The following CEP295 variants were observed in gnomAD, a reference collection of about 807,000 sequenced individuals.
CEP295 encodes the protein centrosomal protein of 295 kDa.
A neutral mutation model predicts 291.6 loss-of-function variants in CEP295; 190 were observed. That is an observed-to-expected ratio of 0.65 (90% CI 0.58 to 0.73). The LOEUF (loss-of-function observed/expected upper bound fraction) is 0.73, where lower values mean the gene tolerates loss of function less well. Among genes scored for constraint, CEP295 ranks in the 30% least tolerant of loss-of-function variants. The pLI, the probability that CEP295 is intolerant of heterozygous loss-of-function variation, is 0.00. For synonymous variants in CEP295, 993 were observed against 1,038.8 expected (o/e 0.96, Z 0.85); for missense variants, 2,863 against 2,949.4 (o/e 0.97, Z 0.68).
intron 10 of CEP295, 116 bp from the exon 11 acceptor site, chr11:93,691,567 A>T: frequency 1.5e-6 from 1 of 652,580 alleles, no homozygotes; most frequent in Non-Finnish European, 2.7e-6. Flanking sequence ...GATCTTAACT[A>T]GATGAGACAT....
chr11:93,728,880 C>CT, intron 25 of CEP295, 59 bp downstream of exon 25: 1 of 1,424,672 alleles, frequency 7.0e-7, no homozygotes, highest in South Asian at 1.4e-5. Flanking sequence ...TGATTTGTCT[C>CT]TTACAACTTA....
At position 93,706,835 on chromosome 11, in the gene CEP295, C is replaced by T. The variant is rs149280308; in HGVS notation, c.5687C>T (p.Pro1896Leu). The T allele has an allele frequency of 1.0e-3, 1,550 of 1,549,650 alleles. 15 individuals are homozygous for T. In the East Asian group the frequency reaches 0.015, roughly 15 times the overall value. Residue 1896 changes from proline (P) to leucine (L), a missense_variant, in exon 18 of 30, where the codon CCG (proline) becomes CTG (leucine). Coordinates refer to ENST00000325212, the MANE Select transcript of CEP295 (RefSeq NM_033395.2). Reference protein sequence around the residue: ...SFFGSPLAHDPFSCLQLVGQE... With the variant: ...SFFGSPLAHDLFSCLQLVGQE... ...TTTGGGAGCCCACTGGCCCATGATCCGTTTAGTTGTCTTCAACTGGTTGGC... is the reference window on the plus strand; with the variant it reads ...TTTGGGAGCCCACTGGCCCATGATCTGTTTAGTTGTCTTCAACTGGTTGGC...
intron 18 of CEP295, among the ~76,000 whole-genome samples, chr11:93,709,477 G>A (rs553439081): frequency 5.9e-5 from 9 of 152,152 alleles, no homozygotes; most frequent in African/African-American, 9.6e-5. Flanking sequence ...TTGTTCCTGT[G>A]TTCTCTATTC....
At chr11:93,678,414 ACTCTT>A (rs1950804979) in intron 6 of CEP295, among the ~76,000 whole-genome samples, 1 of 152,106 alleles carries the variant, frequency 6.6e-6, no homozygotes, top group African/African-American at 2.4e-5. Context: ...TGGCCAGTGT[ACTCTT>A]TGTTAATTTA....
chr11:93,705,766 A>C (rs1301950512), intron 17 of CEP295, among the ~76,000 whole-genome samples: 1 of 152,130 alleles, frequency 6.6e-6, no homozygotes, highest in Non-Finnish European at 1.5e-5. Context: ...CTAAAAGGCC[A>C]ATTGGAGGTT....
At chr11:93,685,569 G>T (rs1321501590) in intron 9 of CEP295, among the ~76,000 whole-genome samples, 3 of 152,218 alleles carry the variant, frequency 2.0e-5, no homozygotes, top group Non-Finnish European at 2.9e-5. Context: ...TAAGGTTACT[G>T]TGTTTTGACT....
rs769607748 is a variant in CEP295 at position 93,698,752 on chromosome 11, T to C, written c.3840T>C (p.Asn1280=). The part of the protein sequence containing the change: ...AFHFSQKTQE[N]TSSEQTGSSS... Reference sequence around the variant, plus strand: ...ATTTCAGCCAGAAAACCCAAGAAAATACATCTTCTGAACAAACTGGTTCAT... The same window carrying C: ...ATTTCAGCCAGAAAACCCAAGAAAACACATCTTCTGAACAAACTGGTTCAT... The change falls in exon 15 of 30, where the codon AAT becomes AAC. Residue 1280 remains asparagine, a synonymous_variant. Coordinates refer to ENST00000325212, the MANE Select transcript of CEP295 (RefSeq NM_033395.2). The C allele has an allele frequency of 1.2e-5, 19 of 1,551,486 alleles. 1 individual carries two copies. The Middle Eastern group carries it at 6.7e-4, about 54-fold the overall frequency.
chr11:93,690,708 C>T (rs1312333868), intron 10 of CEP295, among the ~76,000 whole-genome samples: 4 of 108,616 alleles, frequency 3.7e-5, no homozygotes, highest in East Asian at 5.6e-4. Context: ...CCAGCCTGGG[C>T]GACAAAATGA....
Position 93,723,262 on chromosome 11 carries a change from T to C in CEP295, c.6169T>C (p.Leu2057=), listed in dbSNP as rs1002309874. 1.1e-5 allele frequency: 17 copies of C among 1,526,410 alleles called. No homozygotes were observed. The African/African-American group carries it at 1.7e-4, about 15-fold the overall frequency. The allele number at this position is 1,526,410 out of a possible 1,614,324, so 94.6% of individuals were successfully genotyped here. ...MIDKYINEAN[L]IPEKTDLQEL... ...AGACAAGTACATTAATGAAGCAAATTTGATACCTGAAAAAACAGATTTGCA... is the reference window on the plus strand; with the variant it reads ...AGACAAGTACATTAATGAAGCAAATCTGATACCTGAAAAAACAGATTTGCA... Residue 2057 remains leucine (L), a synonymous_variant, in exon 21 of 30, where the codon TTG becomes CTG. Coordinates refer to ENST00000325212, the MANE Select transcript of CEP295 (RefSeq NM_033395.2).
At chr11:93,689,921 A>C (rs1951433563) in intron 10 of CEP295, among the ~76,000 whole-genome samples, 1 of 152,234 alleles carries the variant, frequency 6.6e-6, no homozygotes, top group African/African-American at 2.4e-5. Context: ...TGGGCATAGA[A>C]AACCACTTGG....
In CEP295 at chr11:93,697,909, A is replaced by G. The variant is rs771084550; in HGVS notation, c.2997A>G (p.Val999=). ...CTGAGCCCTCTTTCCCATTTCAGGT[A>G]GCTCAGCATACATTTACTTCACTAC... The part of the protein sequence containing the change: ...EQAEPSFPFQ[V]AQHTFTSLPS... Residue 999 remains valine, a synonymous_variant, in exon 15 of 30, where the codon GTA becomes GTG. Transcript: ENST00000325212. The G allele has an allele frequency of 2.6e-6, 4 of 1,551,666 alleles. No homozygotes were observed. The East Asian group carries it at 9.8e-5, about 38-fold the overall frequency.
At chr11:93,716,803 G>T (rs1953285221) in intron 18 of CEP295, among the ~76,000 whole-genome samples, 1 of 152,210 alleles carries the variant, frequency 6.6e-6, no homozygotes, top group Non-Finnish European at 1.5e-5. Flanking sequence ...TCTAGATTTT[G>T]CTCTAAAGAG....
chr11:93,724,387 T>A lies in CEP295; in HGVS notation c.6318+12T>A, dbSNP rs1472805981. 1 of 1,545,528 alleles carries A rather than the reference T, an allele frequency of 6.5e-7. No individual in the cohort carries two copies. The highest frequency in any genetic ancestry group is 1.4e-5 in the African/African-American group (1 of 72,862). ...GAGACTTTTACCAGGTATATTAAAGTAGATGTCCCATTGCAGTGAATATCT... is the reference window on the plus strand; with the variant it reads ...GAGACTTTTACCAGGTATATTAAAGAAGATGTCCCATTGCAGTGAATATCT... On this transcript the variant is annotated intron_variant, in intron 22 of 29. Coordinates refer to ENST00000325212, the MANE Select transcript of CEP295 (RefSeq NM_033395.2).
At chr11:93,722,854 G>C (rs372510111) in intron 20 of CEP295, 187 bp from the exon 21 acceptor site, 3 of 477,422 alleles carry the variant, frequency 6.3e-6, no homozygotes, top group African/African-American at 2.0e-5. Flanking sequence ...GGGACTACAG[G>C]TGTGCGCCAC....
At chr11:93,728,985 T>TCA (rs1331871510) in intron 25 of CEP295, 164 bp downstream of exon 25, 11 of 597,402 alleles carry the variant, frequency 1.8e-5, no homozygotes. Context: ...CACTATTCTG[T>TCA]CAACCATTGT....
chr11:93,724,287 A>C lies in CEP295; in HGVS notation c.6230A>C (p.Gln2077Pro). The C allele has an allele frequency of 6.4e-7, 1 of 1,550,788 alleles. No individual in the cohort carries two copies. The highest frequency in any genetic ancestry group is 2.4e-5 in the East Asian group (1 of 40,880). The change falls in exon 22 of 30, where the codon CAG (glutamine) becomes CCG (proline). Residue 2077 changes from glutamine to proline, a missense_variant. Transcript: ENST00000325212. ...LEHIFPNLHH[Q>P]LFKPLEPHPD... ...CACATTTTTCCTAATTTGCATCATC[A>C]GCTGTTTAAACCCTTAGAACCACAT...
At chr11:93,719,920 T>C (rs982825598) in intron 18 of CEP295, among the ~76,000 whole-genome samples, 1 of 152,246 alleles carries the variant, frequency 6.6e-6, no homozygotes, top group Middle Eastern at 3.4e-3. Flanking sequence ...TCACTTGGAA[T>C]AAGAAGGAAA....
intron 1 of CEP295, among the ~76,000 whole-genome samples, chr11:93,663,306 G>C (rs1458156064): frequency 6.6e-6 from 1 of 152,120 alleles, no homozygotes; most frequent in African/African-American, 2.4e-5. Flanking sequence ...CCTCCATTCA[G>C]TGTTAGACTT....
chr11:93,662,394 G>A lies in CEP295; in HGVS notation c.-27+620G>A, dbSNP rs558913233. ...AAACCAAAGTGACTTCAGTGACTTG[G>A]CCAGTATCTTCCTGCTAATAAGTGG... is the stretch of plus-strand genomic sequence containing the variant. On this transcript the variant is annotated intron_variant, in intron 1 of 29. Coordinates refer to ENST00000325212, the MANE Select transcript of CEP295 (RefSeq NM_033395.2). 8.5e-5 allele frequency among the ~76,000 whole-genome samples: 13 copies of A among 152,216 alleles called. No individual in the cohort carries two copies. The East Asian group carries it at 2.3e-3, about 27-fold the overall frequency.
Sources: allele counts gnomAD v4.1 joint callset (sites outside exome capture counted in the v4.1 genomes callset), GRCh38; gene constraint gnomAD v4.1.1; transcripts MANE v1.5; gene names NCBI Gene and HGNC (gene_info 2026-07-23, HGNC 2026-07-21).